Variants in CRB2 observed in about 807,000 individuals in gnomAD.
CRB2 encodes the protein crumbs cell polarity complex component 2.
In CRB2, 85 loss-of-function variants were observed where a neutral mutation model predicts 110.9. The observed-to-expected ratio is 0.77, with a 90% confidence interval of 0.64 to 0.92. The LOEUF (loss-of-function observed/expected upper bound fraction) is 0.92, where lower values mean the gene tolerates loss of function less well. Ranked by LOEUF, CRB2 falls within the 40% of genes least tolerant of loss-of-function variation. The probability of loss-of-function intolerance (pLI) is 0.00; values close to 1 mark genes in which losing one functional copy is unlikely to be tolerated. For synonymous variants in CRB2, 907 were observed against 831.0 expected, an observed-to-expected ratio of 1.09 and a Z score of -1.57; for missense variants, 1,843 against 1,851.3, an observed-to-expected ratio of 1.00 and a Z score of 0.08.
rs1201707992 is a variant in CRB2 at position 123,370,223 on chromosome 9, G to A, written c.1170G>A (p.Gly390=). 2 of 1,613,196 alleles carry A rather than the reference G, an allele frequency of 1.2e-6. No homozygotes were observed. The highest frequency in any genetic ancestry group is 4.5e-5 in the East Asian group (2 of 44,882). ...YICRCPETWG[G]RDCSVQLTGC... Reference sequence around the variant, plus strand: ...GCAGGTGCCCAGAGACCTGGGGTGGGCGCGACTGTTCTGTGCAGCTCACTG... The same window carrying A: ...GCAGGTGCCCAGAGACCTGGGGTGGACGCGACTGTTCTGTGCAGCTCACTG... Residue 390 remains glycine (G), a synonymous_variant, in exon 7 of 13, where the codon GGG becomes GGA. Transcript: ENST00000373631.
downstream of CRB2, chr9:123,379,526 G>C (rs184316105): frequency 6.6e-6 from 1 of 152,452 alleles, no homozygotes; most frequent in East Asian, 1.9e-4. Flanking sequence ...GGAGGGTGCG[G>C]GGAGTTGACT....
chr9:123,363,971 A>T (rs938721533), intron 2 of CRB2, among the ~76,000 whole-genome samples: 5 of 152,212 alleles, frequency 3.3e-5, no homozygotes, highest in African/African-American at 1.2e-4. Flanking sequence ...TGCAGTGTAG[A>T]TGCTCTGGAT....
rs1248143837 is a variant in CRB2, at chr9:123,373,222, G to A, written c.2691G>A (p.Ser897=). The change falls in exon 10 of 13, where the codon TCG becomes TCA. Residue 897 remains serine (S), a synonymous_variant. Coordinates refer to ENST00000373631, the MANE Select transcript of CRB2 (RefSeq NM_173689.7). ...CAGGGCGCTTGCTCGGCGGCCTGTC[G>A]CTGGCCTTTCGCACGCGCGACTCCG... ...ASSGRLLGGL[S]LAFRTRDSEA... 6 of 1,508,864 alleles carry A rather than the reference G, an allele frequency of 4.0e-6. No individual in the cohort carries two copies. Among genetic ancestry groups the A allele is most frequent in the Non-Finnish European group, 5.3e-6 (6 of 1,135,964 alleles). 93.5% of individuals were successfully genotyped at this position (1,508,864 alleles called of 1,614,324 possible).
chr9:123,367,535 G>C, intron 5 of CRB2, 38 bp from the exon 6 acceptor site: 1 of 1,516,846 alleles, frequency 6.6e-7, no homozygotes, highest in Non-Finnish European at 8.9e-7. Flanking sequence ...GCCTGGCTCT[G>C]AGGGTGCAGG....
At chr9:123,357,296 C>T (rs897516965) in intron 1 of CRB2, among the ~76,000 whole-genome samples, 9 of 152,052 alleles carry the variant, frequency 5.9e-5, no homozygotes, top group Non-Finnish European at 1.3e-4. Context: ...TTACAGGGGC[C>T]GGGCCTGGGA....
At chr9:123,363,378 T>G (rs1034917568) in intron 2 of CRB2, among the ~76,000 whole-genome samples, 190 bp downstream of exon 2, 1 of 152,198 alleles carries the variant, frequency 6.6e-6, no homozygotes, top group African/African-American at 2.4e-5. Flanking sequence ...AGAGTATGTA[T>G]GTGCGGGTGC....
rs1368014699 is a variant in CRB2, at chr9:123,373,869, A to C, written c.3338A>C (p.Asp1113Ala). 4 of 1,551,548 alleles carry C rather than the reference A, an allele frequency of 2.6e-6. No homozygotes were observed. Among genetic ancestry groups the C allele is most frequent in the Admixed American group, 3.8e-5 (2 of 52,750 alleles). Reference sequence around the variant, plus strand: ...CGTGGCCGCTGTCACACGCACCCCGACGGCCGCTTCGAGTGCCGCTGCCCG... The same window carrying C: ...CGTGGCCGCTGTCACACGCACCCCGCCGGCCGCTTCGAGTGCCGCTGCCCG... ...CARGRCHTHPDGRFECRCPPG... is the reference protein window; with the variant it reads ...CARGRCHTHPAGRFECRCPPG... The change falls in exon 10 of 13, where the codon GAC becomes GCC. Residue 1113 changes from aspartate (D) to alanine (A), a missense_variant. Asp to Ala is a moderately radical substitution (Grantham distance 126). Transcript: ENST00000373631.
At chr9:123,379,415 C>A (rs759824308), downstream of CRB2, among the ~76,000 whole-genome samples, 1 of 152,240 alleles carries the variant, frequency 6.6e-6, no homozygotes, top group African/African-American at 2.4e-5. Flanking sequence ...GCCCCATGGC[C>A]CCCGCAGGGC....
chr9:123,355,659 G>C (rs2041788831), upstream of CRB2, among the ~76,000 whole-genome samples: 1 of 145,024 alleles, frequency 6.9e-6, no homozygotes, highest in South Asian at 2.3e-4. Flanking sequence ...AGGGGGGAGT[G>C]GGGAGGGGGC....
In CRB2 at chr9:123,377,144, C is replaced by A; in HGVS notation, c.*82C>A. 1 of 1,255,532 alleles carries A rather than the reference C, an allele frequency of 8.0e-7. No homozygotes were observed. The highest frequency in any genetic ancestry group is 1.1e-6 in the Non-Finnish European group (1 of 921,496). 77.8% of individuals were successfully genotyped at this position (1,255,532 alleles called of 1,614,324 possible). On this transcript the variant is annotated 3_prime_UTR_variant, in exon 13 of 13. Coordinates refer to ENST00000373631, the MANE Select transcript of CRB2 (RefSeq NM_173689.7). ...ACCCAAGGAAGCTGCTTCCAGGGCT[C>A]GGGACATTGCTACGGAAGTGTCCCC...
At chr9:123,365,775 CA>C in intron 2 of CRB2, 141 bp from the exon 3 acceptor site, 1 of 745,504 alleles carries the variant, frequency 1.3e-6, no homozygotes. Flanking sequence ...ACCCGTCCCC[CA>C]CCCCCCAACC....
chr9:123,365,003 T>C (rs2041913124), intron 2 of CRB2, among the ~76,000 whole-genome samples: 1 of 152,214 alleles, frequency 6.6e-6, no homozygotes, highest in Admixed American at 6.5e-5. Flanking sequence ...GGCTCACGCC[T>C]GTAATCCCAG....
chr9:123,364,483 T>C lies in CRB2; in HGVS notation c.418+1295T>C, dbSNP rs866607111. On this transcript the variant is annotated intron_variant, in intron 2 of 12. Transcript: ENST00000373631. ...CTGCCGTGACTCATTCTCTCCTCTT[T>C]CCATTCCAAGCCGGGTGGGGGAGTT... Among the ~76,000 whole-genome samples, 7 of 150,332 alleles carry C rather than the reference T, an allele frequency of 4.7e-5. No homozygotes were observed. In the South Asian group the frequency reaches 1.3e-3, roughly 28 times the overall value.
At chr9:123,361,818 G>T (rs1327898995) in intron 1 of CRB2, among the ~76,000 whole-genome samples, 1 of 152,188 alleles carries the variant, frequency 6.6e-6, no homozygotes, top group African/African-American at 2.4e-5. Context: ...TCATAGCTAG[G>T]AACTTTCTGA....
Position 123,366,258 on chromosome 9 carries a change from G to A in CRB2, c.646G>A (p.Glu216Lys), listed in dbSNP as rs1415351380. 1.3e-6 allele frequency: 2 copies of A among 1,494,890 alleles called. No homozygotes were observed. The highest frequency in any genetic ancestry group is 2.4e-5 in the Admixed American group (1 of 42,456). 92.6% of individuals were successfully genotyped at this position (1,494,890 alleles called of 1,614,324 possible). A position where few individuals can be genotyped will look rare whatever the true frequency, so the allele number is the denominator to read the frequency against. ...GTGCGACTGCGCGGGCACCGGCTAC[G>A]AGGGCACGCACTGCGAGCGGGAGGT... ...FRCDCAGTGYEGTHCEREVLE... is the reference protein window; with the variant it reads ...FRCDCAGTGYKGTHCEREVLE... The change falls in exon 4 of 13, where the codon GAG (glutamate) becomes AAG (lysine). Residue 216 changes from glutamate (E) to lysine (K), a missense_variant. Physicochemically the swap from Glu to Lys is moderately conservative, Grantham distance 56. Coordinates refer to ENST00000373631, the MANE Select transcript of CRB2 (RefSeq NM_173689.7).
rs1431959759 is a variant in CRB2, at chr9:123,378,316, A to C, written c.*1254A>C. ...CCCATCCCTGAAGGGCACCTGCCTGAGGGCCTGGCCTCCTTCCAGCTTCAT... is the reference window on the plus strand; with the variant it reads ...CCCATCCCTGAAGGGCACCTGCCTGCGGGCCTGGCCTCCTTCCAGCTTCAT... On this transcript the variant is annotated 3_prime_UTR_variant, in exon 13 of 13. Coordinates refer to ENST00000373631, the MANE Select transcript of CRB2 (RefSeq NM_173689.7). The C allele has an allele frequency of 1.3e-5, 2 of 152,356 alleles. No individual in the cohort carries two copies. Among genetic ancestry groups the C allele is most frequent in the African/African-American group, 4.8e-5 (2 of 41,472 alleles). The allele number at this position is 152,356 out of a possible 1,614,324, so 9.4% of individuals were successfully genotyped here.
rs754806385 is a variant in CRB2, at chr9:123,371,493, T to G, written c.2351T>G (p.Leu784Arg). 6.2e-7 allele frequency: 1 copy of G among 1,613,220 alleles called. No individual in the cohort carries two copies. Among genetic ancestry groups the G allele is most frequent in the East Asian group, 2.2e-5 (1 of 44,884 alleles). ...CACCTCCCCTTCTTTCCTCTGCCAC[T>G]GGATAACTCAAGCCAGCCCAGCGAG... The part of the protein sequence containing the change: ...GCHLPFFPLP[L>R]DNSSQPSELG... The change falls in exon 8 of 13, where the codon CTG (leucine) becomes CGG (arginine). Residue 784 changes from leucine (L) to arginine (R), a missense_variant. Coordinates refer to ENST00000373631, the MANE Select transcript of CRB2 (RefSeq NM_173689.7).
In CRB2 at chr9:123,370,831, A is replaced by T. The variant is rs900050548; in HGVS notation, c.1778A>T (p.Glu593Val). 1.4e-5 allele frequency: 23 copies of T among 1,605,910 alleles called. No individual in the cohort carries two copies. Among genetic ancestry groups the T allele is most frequent in the Non-Finnish European group, 1.9e-5 (22 of 1,179,864 alleles). Residue 593 changes from glutamate (E) to valine (V), a missense_variant, in exon 7 of 13, where the codon GAG becomes GTG. By Grantham distance (121) the Glu-to-Val change is moderately radical. Coordinates refer to ENST00000373631, the MANE Select transcript of CRB2 (RefSeq NM_173689.7). ...VRVDGHLLLP[E>V]DLGENVLLGC... ...GTGGATGGCCACCTCCTGCTGCCTG[A>T]GGATCTCGGTGAGAACGTCCTCCTG...
Position 123,366,015 on chromosome 9 carries a change from G to A in CRB2, c.517G>A (p.Ala173Thr), listed in dbSNP as rs780819241. The stretch of plus-strand genomic sequence containing the variant: ...CGTGGGCTCCTTCCGCTGTGTGTGC[G>A]CGCCAGGCTACGGGGGCACCCGTTG... The part of the protein sequence containing the change: ...DGVGSFRCVC[A>T]PGYGGTRCQL... Residue 173 changes from alanine to threonine, a missense_variant, in exon 3 of 13, where the codon GCG (alanine) becomes ACG (threonine). Transcript: ENST00000373631. The A allele has an allele frequency of 2.6e-5, 41 of 1,593,732 alleles. No individual in the cohort carries two copies. The South Asian group carries it at 3.9e-4, about 15-fold the overall frequency.
Sources: allele counts gnomAD v4.1 joint callset (sites outside exome capture counted in the v4.1 genomes callset), GRCh38; gene constraint gnomAD v4.1.1; transcripts MANE v1.5; gene names NCBI Gene and HGNC (gene_info 2026-07-23, HGNC 2026-07-21).